The following PZP variants were observed in gnomAD, a reference collection of about 807,000 sequenced individuals.
PZP encodes the protein pregnancy zone protein.
In PZP, 150 loss-of-function variants were observed where a neutral mutation model predicts 179.8. That is an observed-to-expected ratio of 0.83 (90% CI 0.73 to 0.96). The LOEUF is 0.96. Among genes scored for constraint, PZP ranks in the 40% least tolerant of loss-of-function variants. The pLI, the probability that PZP is intolerant of heterozygous loss-of-function variation, is 0.00. For synonymous variants in PZP, 624 were observed against 652.3 expected (o/e 0.96, Z 0.66); for missense variants, 1,689 against 1,764.0 (o/e 0.96, Z 0.76).
intron 28 of PZP, 66 bp from the exon 29 acceptor site, chr12:9,154,905 G>T (rs1195641568): frequency 1.4e-6 from 2 of 1,422,224 alleles, no homozygotes; most frequent in African/African-American, 1.4e-5. Context: ...GTAGATAAGA[G>T]AATGCACATT....
chr12:9,200,393 A>T lies in PZP; in HGVS notation c.726T>A (p.Asp242Glu). The change falls in exon 7 of 36, where the codon GAT becomes GAA. Residue 242 changes from aspartate to glutamate, a missense_variant. Physicochemically the swap from Asp to Glu is conservative, Grantham distance 45 (BLOSUM62 2). Around this residue, in one of 3 missense-constraint regions of PZP, gnomAD observed 742 missense variants for 730.5 expected, o/e 1.02. Transcript: ENST00000261336. ...VQVPKIISIM[D>E]EKVNITVCGE... ...CACAGACTGTTATGTTCACTTTTTCATCCATGATACTGATTATCTTTGGCA... is the reference window on the plus strand; with the variant it reads ...CACAGACTGTTATGTTCACTTTTTCTTCCATGATACTGATTATCTTTGGCA... 6.2e-7 allele frequency: 1 copy of T among 1,610,790 alleles called. No homozygotes were observed. The highest frequency in any genetic ancestry group is 1.1e-5 in the South Asian group (1 of 90,964).
intron 14 of PZP, among the ~76,000 whole-genome samples, chr12:9,181,456 A>G (rs1942754884): frequency 6.6e-6 from 1 of 152,196 alleles, no homozygotes. Context: ...TTCTATTTAG[A>G]CAGGATCCAA....
At chr12:9,182,183 C>G in intron 13 of PZP, 66 bp from the exon 14 acceptor site, 1 of 217,704 alleles carries the variant, frequency 4.6e-6, no homozygotes, top group Non-Finnish European at 7.4e-6. Context: ...AAAATAGTGT[C>G]ATAAGGACAC....
At chr12:9,169,714 C>A (rs1269266396) in intron 15 of PZP, 123 bp from the exon 16 acceptor site, 1 of 888,922 alleles carries the variant, frequency 1.1e-6, no homozygotes, top group Non-Finnish European at 1.6e-6. Context: ...TAGTTGGTAC[C>A]TTAGAGATAG....
chr12:9,152,167 G>T, intron 32 of PZP, 53 bp downstream of exon 32: 1 of 1,254,918 alleles, frequency 8.0e-7, no homozygotes, highest in Non-Finnish European at 1.2e-6. Flanking sequence ...TCTTAGTTTG[G>T]GGATACAGAA....
At chr12:9,169,325 G>T in intron 16 of PZP, 105 bp downstream of exon 16, 2 of 1,120,162 alleles carry the variant, frequency 1.8e-6, no homozygotes, top group South Asian at 1.8e-5. Flanking sequence ...GCTGAAAAAT[G>T]GAGAGGCAAG....
intron 7 of PZP, among the ~76,000 whole-genome samples, chr12:9,197,700 ATATATTATACAATACATAATATATATAAT>A (rs1943895198): frequency 1.1e-5 from 1 of 90,968 alleles, no homozygotes; most frequent in Non-Finnish European, 1.9e-5. Flanking sequence ...ATATATAATT[ATATATTATACAATACATAATATATATAAT>A]TATATATTAT....
chr12:9,175,511 T>G (rs981583007), intron 15 of PZP, among the ~76,000 whole-genome samples: 9 of 152,012 alleles, frequency 5.9e-5, no homozygotes, highest in Middle Eastern at 3.2e-3. Context: ...GAACTATCAT[T>G]AGAGTGAACA....
chr12:9,163,566 A>T (rs1243985051), intron 21 of PZP, 102 bp downstream of exon 21: 12 of 1,308,874 alleles, frequency 9.2e-6, no homozygotes, highest in Non-Finnish European at 1.3e-5. Context: ...GTCTTACAGG[A>T]TGTATTGTGT....
chr12:9,163,296 C>A (rs1205584420), intron 21 of PZP, among the ~76,000 whole-genome samples: 34 of 134,390 alleles, frequency 2.5e-4, no homozygotes, highest in East Asian at 4.4e-4. Flanking sequence ...ACTAAAAATA[C>A]AAAAAAAAAA....
At chr12:9,139,438 C>T in the PZP span, among the ~76,000 whole-genome samples, 8 of 152,032 alleles carry the variant, frequency 5.3e-5, no homozygotes, top group Non-Finnish European at 1.0e-4. Context: ...TCTGTTTGGT[C>T]CATTTGGTCT....
intron 15 of PZP, among the ~76,000 whole-genome samples, chr12:9,173,265 T>C (rs1942121253): frequency 6.6e-6 from 1 of 152,180 alleles, no homozygotes; most frequent in Non-Finnish European, 1.5e-5. Context: ...AAGAAGTTAT[T>C]TGAAACTAAT....
In PZP at chr12:9,196,558, T is replaced by C; in HGVS notation, c.982+13A>G. ...CTATTGTTTTATTTCCCATATTCGT[T>C]CATTACTCACACCTGTCCCCTCTTC... On this transcript the variant is annotated intron_variant, in intron 9 of 35. Coordinates refer to ENST00000261336, the MANE Select transcript of PZP (RefSeq NM_002864.3). The C allele has an allele frequency of 6.3e-7, 1 of 1,588,758 alleles. No homozygotes were observed. Among genetic ancestry groups the C allele is most frequent in the Non-Finnish European group, 8.6e-7 (1 of 1,157,032 alleles).
At position 9,162,638 on chromosome 12, in the gene PZP, A is replaced by T; in HGVS notation, c.2747T>A (p.Ile916Asn). Residue 916 changes from isoleucine (I) to asparagine (N), a missense_variant, in exon 22 of 36, where the codon ATT (isoleucine) becomes AAT (asparagine). By Grantham distance (149) the Ile-to-Asn change is moderately radical. Coordinates refer to ENST00000261336, the MANE Select transcript of PZP (RefSeq NM_002864.3). The stretch of plus-strand genomic sequence containing the variant: ...AGAACTGAAAGTCTTTTCTTGCTCA[A>T]TACCTTCAGCCTTGGATGAAAGGAA... ...IKTLLVEAEG[I>N]EQEKTFSSMT... is the part of the protein sequence containing the mutation. 6.3e-7 allele frequency: 1 copy of T among 1,593,696 alleles called. No individual in the cohort carries two copies. Among genetic ancestry groups the T allele is most frequent in the Non-Finnish European group, 8.6e-7 (1 of 1,161,948 alleles).
At chr12:9,151,824 T>C in intron 32 of PZP, 152 bp from the exon 33 acceptor site, 1 of 605,898 alleles carries the variant, frequency 1.7e-6, no homozygotes, top group Non-Finnish European at 2.9e-6. Context: ...AATTCTTCAA[T>C]ATCCAAGTAA....
chr12:9,151,875 G>A (rs1414762225), intron 32 of PZP, among the ~76,000 whole-genome samples: 8 of 152,282 alleles, frequency 5.3e-5, no homozygotes, highest in East Asian at 1.9e-4. Context: ...TTTAGTTCAC[G>A]TTGATTTTTT....
intron 13 of PZP, among the ~76,000 whole-genome samples, chr12:9,187,249 A>T (rs1263890278): frequency 6.6e-6 from 1 of 152,120 alleles, no homozygotes; most frequent in Non-Finnish European, 1.5e-5. Context: ...AATATTGAGA[A>T]ACTTCAACAC....
chr12:9,150,492 C>G, intron 34 of PZP, 152 bp downstream of exon 34: 1 of 539,780 alleles, frequency 1.9e-6, no homozygotes, highest in Non-Finnish European at 3.2e-6. Context: ...CTATGTTGGC[C>G]AGACTGTAGT....
chr12:9,149,553 A>G lies in PZP; in HGVS notation c.4426+8T>C. On this transcript the variant is annotated splice_region_variant and intron_variant, in intron 35 of 35. Coordinates refer to ENST00000261336, the MANE Select transcript of PZP (RefSeq NM_002864.3). The stretch of plus-strand genomic sequence containing the variant: ...ATCTAGTACTGGTCATAAGTGGTGA[A>G]CTCTTACCTGTGCTGCAGGGGGCGA... The G allele has an allele frequency of 6.8e-6, 11 of 1,611,584 alleles. No individual in the cohort carries two copies. The highest frequency in any genetic ancestry group is 9.3e-6 in the Non-Finnish European group (11 of 1,178,442).
Sources: gnomAD v4.1 joint callset for allele counts (sites outside exome capture counted in the v4.1 genomes callset) on GRCh38, gnomAD v4.1.1 for gene constraint, gnomAD v4.1.1 regional missense constraint, MANE v1.5 for transcripts, NCBI Gene and HGNC (gene_info 2026-07-23, HGNC 2026-07-21) for gene names.